ZNRF1: variants seen among roughly 807,000 people sequenced by gnomAD.
ZNRF1 encodes the protein E3 ubiquitin-protein ligase ZNRF1.
A neutral mutation model predicts 18.4 loss-of-function variants in ZNRF1; 3 were observed. The observed-to-expected ratio is 0.16, with a 90% CI of 0.07 to 0.42. The LOEUF is 0.42. ZNRF1 is among the 10% of genes least tolerant of loss of function. ZNRF1 has a pLI of 0.99. For synonymous variants in ZNRF1, 157 were observed against 144.2 expected (o/e 1.09, Z -0.64); for missense variants, 310 against 329.8 (o/e 0.94, Z 0.47).
rs2145392850 is a variant in ZNRF1, at chr16:75,064,894, GC to G, written c.425-28677del. On this transcript the variant is annotated intron_variant, in intron 1 of 4. Transcript: ENST00000335325. ...GGGCCCTGCCACAGCTCACCCTCCT[GC>G]TCCCTCAGCAGTGCATGTGCCGTCC... Among the ~76,000 whole-genome samples the G allele has an allele frequency of 1.3e-5, 2 of 152,332 alleles. 1 individual carries two copies. The highest frequency in any genetic ancestry group is 1.3e-4 in the Admixed American group (2 of 15,300).
At chr16:75,064,049 A>C (rs1346412012) in intron 1 of ZNRF1, among the ~76,000 whole-genome samples, 1 of 152,176 alleles carries the variant, frequency 6.6e-6, no homozygotes, top group African/African-American at 2.4e-5. Context: ...TGTAAATCCC[A>C]GCACTTTGGG....
chr16:75,087,920 C>T (rs1019453373), intron 1 of ZNRF1, among the ~76,000 whole-genome samples: 9 of 152,230 alleles, frequency 5.9e-5, no homozygotes, highest in Admixed American at 3.3e-4. Flanking sequence ...CAGGGTGTGC[C>T]GCTCAGAGCC....
At chr16:75,039,929 C>G (rs1490159257) in intron 1 of ZNRF1, among the ~76,000 whole-genome samples, 1 of 151,734 alleles carries the variant, frequency 6.6e-6, no homozygotes, top group Non-Finnish European at 1.5e-5. Context: ...TGTTTTGAAA[C>G]TGAGGTATAG....
In ZNRF1 at chr16:75,036,804, G is replaced by A. The variant is rs561912974; in HGVS notation, c.424+36709G>A. ...GTTTGTATGTATGTATTATACACAC[G>A]TATGTTTAATTCCCTCGGCCACTCT... is the stretch of plus-strand genomic sequence containing the variant. On this transcript the variant is annotated intron_variant, in intron 1 of 4. Coordinates refer to ENST00000335325, the MANE Select transcript of ZNRF1 (RefSeq NM_032268.5). Among the ~76,000 whole-genome samples the A allele has an allele frequency of 7.2e-5, 11 of 152,264 alleles. No homozygotes were observed. In the East Asian group the frequency reaches 1.3e-3, roughly 19 times the overall value.
intron 1 of ZNRF1, among the ~76,000 whole-genome samples, chr16:75,076,296 TC>T (rs1301473230): frequency 6.6e-6 from 1 of 152,146 alleles, no homozygotes; most frequent in Non-Finnish European, 1.5e-5. Context: ...TCTATGAATC[TC>T]CCTTAGAATG....
In ZNRF1 at chr16:75,010,701, G is replaced by GTTTTTT. The variant is rs1334552920; in HGVS notation, c.424+10610_424+10615dup. ...AAATTAGTCACCTCTGTACTGTACT[G>GTTTTTT]TTTTTTTTTGTTTTTTTGTTTTTTT... On this transcript the variant is annotated intron_variant, in intron 1 of 4. Coordinates refer to ENST00000335325, the MANE Select transcript of ZNRF1 (RefSeq NM_032268.5). 5.2e-3 allele frequency among the ~76,000 whole-genome samples: 329 copies of GTTTTTT among 63,726 alleles called. 5 individuals carry two copies. The highest frequency in any genetic ancestry group is 7.6e-3 in the Non-Finnish European group (245 of 32,418). The allele number at this position is 63,726 out of a possible 152,430, so 41.8% of individuals were successfully genotyped here.
At chr16:75,095,512 T>C (rs2036187766) in intron 2 of ZNRF1, 2 of 1,340,188 alleles carry the variant, frequency 1.5e-6, no homozygotes, top group Non-Finnish European at 2.0e-6. Context: ...TTCACTTCTT[T>C]CCCACATGTG....
At chr16:75,103,315 C>T (rs1407163915) in intron 2 of ZNRF1, among the ~76,000 whole-genome samples, 1 of 152,142 alleles carries the variant, frequency 6.6e-6, no homozygotes, top group Non-Finnish European at 1.5e-5. Context: ...TGAGATGAAA[C>T]TCACCATAAA....
intron 1 of ZNRF1, among the ~76,000 whole-genome samples, chr16:75,075,562 C>T (rs922312941): frequency 1.3e-5 from 2 of 152,332 alleles, no homozygotes; most frequent in East Asian, 1.9e-4. Flanking sequence ...TATCTCTTTC[C>T]GGTTGTACAG....
At chr16:75,098,189 G>C (rs1021761213) in intron 2 of ZNRF1, among the ~76,000 whole-genome samples, 2 of 152,262 alleles carry the variant, frequency 1.3e-5, no homozygotes, top group African/African-American at 4.8e-5. Context: ...CTGACCGGCT[G>C]CACTGACTGC....
chr16:75,098,689 G>A (rs534037579), intron 2 of ZNRF1, among the ~76,000 whole-genome samples: 7 of 152,322 alleles, frequency 4.6e-5, no homozygotes, highest in South Asian at 4.1e-4. Flanking sequence ...GAGCCTGTGC[G>A]TCATTTGCTA....
intron 1 of ZNRF1, among the ~76,000 whole-genome samples, chr16:75,040,383 G>A (rs1262224578): frequency 1.3e-5 from 2 of 151,866 alleles, no homozygotes; most frequent in Non-Finnish European, 2.9e-5. Flanking sequence ...TCCTCCCAAA[G>A]TGCTGGGATT....
intron 2 of ZNRF1, among the ~76,000 whole-genome samples, chr16:75,103,288 T>G (rs961176108): frequency 6.6e-6 from 1 of 152,220 alleles, no homozygotes; most frequent in South Asian, 2.1e-4. Flanking sequence ...CACTTTTGTT[T>G]CTTTCTTTTT....
At chr16:75,035,714 C>G (rs1466917159) in intron 1 of ZNRF1, among the ~76,000 whole-genome samples, 1 of 152,198 alleles carries the variant, frequency 6.6e-6, no homozygotes, top group African/African-American at 2.4e-5. Context: ...TTACTTCTCC[C>G]TCGATTCTTC....
At chr16:75,071,263 C>G (rs1249267476) in intron 1 of ZNRF1, among the ~76,000 whole-genome samples, 2 of 152,162 alleles carry the variant, frequency 1.3e-5, no homozygotes, top group African/African-American at 2.4e-5. Flanking sequence ...CCACACCTGG[C>G]TAATTTTTGT....
At chr16:75,082,176 C>T (rs895047215) in intron 1 of ZNRF1, among the ~76,000 whole-genome samples, 4 of 152,156 alleles carry the variant, frequency 2.6e-5, no homozygotes, top group African/African-American at 9.7e-5. Flanking sequence ...GCCACTGTAC[C>T]TGGTCAGTTT....
At chr16:75,075,220 C>G (rs1200755339) in intron 1 of ZNRF1, among the ~76,000 whole-genome samples, 1 of 152,182 alleles carries the variant, frequency 6.6e-6, no homozygotes, top group African/African-American at 2.4e-5. Context: ...AAGGGCTGAC[C>G]TTTTTCCTGC....
intron 1 of ZNRF1, among the ~76,000 whole-genome samples, chr16:75,078,545 A>G (rs915746973): frequency 6.6e-6 from 1 of 152,010 alleles, no homozygotes; most frequent in African/African-American, 2.4e-5. Flanking sequence ...GTGATCCACC[A>G]GCCTCTGCCT....
At chr16:75,013,263 C>T (rs1218850653) in intron 1 of ZNRF1, among the ~76,000 whole-genome samples, 1 of 152,144 alleles carries the variant, frequency 6.6e-6, no homozygotes, top group Non-Finnish European at 1.5e-5. Context: ...AATTACTTCT[C>T]TGTCTCTTTA....
Sources: allele counts gnomAD v4.1 joint callset (sites outside exome capture counted in the v4.1 genomes callset), GRCh38; gene constraint gnomAD v4.1.1; transcripts MANE v1.5; gene names NCBI Gene and HGNC (gene_info 2026-07-23, HGNC 2026-07-21).